EXD1: variants seen among roughly 807,000 people sequenced by gnomAD.
The protein encoded by EXD1 is exonuclease 3'-5' domain containing 1.
EXD1 carries 63 observed loss-of-function variants against 49.1 expected under a neutral mutation model. The observed-to-expected ratio is 1.28, with a 90% CI of 1.05 to 1.58. The LOEUF (loss-of-function observed/expected upper bound fraction) is 1.58, where lower values mean the gene tolerates loss of function less well. Ranked by LOEUF, EXD1 falls within the 40% of genes most tolerant of loss-of-function variation. EXD1 has a pLI of 0.00. For missense variants in EXD1, 748 were observed against 666.0 expected, an observed-to-expected ratio of 1.12 and a Z score of -1.36; for synonymous variants, 234 against 239.2, an observed-to-expected ratio of 0.98 and a Z score of 0.20.
At chr15:41,206,929 CTTTTTTTT>C (rs532980257) in intron 7 of EXD1, among the ~76,000 whole-genome samples, 6 of 54,368 alleles carry the variant, frequency 1.1e-4, no homozygotes, top group South Asian at 1.0e-3. Context: ...CTATTCAACT[CTTTTTTTT>C]TTTTTTTTTT....
Position 41,227,477 on chromosome 15 carries a change from C to T in EXD1, c.-53-849G>A, listed in dbSNP as rs755456530. ...CTGAGGTCGGGAGTTCCAGACCAGC[C>T]TGACCAACATGGAGAAACCCTGTCT... On this transcript the variant is annotated intron_variant, in intron 1 of 11. Transcript: ENST00000458580. Among the ~76,000 whole-genome samples the T allele has an allele frequency of 2.4e-4, 36 of 152,074 alleles. 1 individual carries two copies. The highest frequency in any genetic ancestry group is 4.9e-4 in the Non-Finnish European group (33 of 68,028).
chr15:41,187,566 ATGTAG>A (rs2046433334), intron 11 of EXD1, among the ~76,000 whole-genome samples: 1 of 152,188 alleles, frequency 6.6e-6, no homozygotes, highest in African/African-American at 2.4e-5. Context: ...CCAATAATGC[ATGTAG>A]AGTATTATAA....
intron 6 of EXD1, among the ~76,000 whole-genome samples, chr15:41,210,605 A>C (rs2140880828): frequency 6.6e-6 from 1 of 152,074 alleles, no homozygotes; most frequent in Non-Finnish European, 1.5e-5. Flanking sequence ...TGGGAGGATC[A>C]CTTGAGCCTG....
Position 41,209,551 on chromosome 15 carries a change from C to A in EXD1, c.484G>T (p.Ala162Ser). The change falls in exon 7 of 12, where the codon GCA becomes TCA. Residue 162 changes from alanine (A) to serine (S), a missense_variant. Ala to Ser is a moderately conservative substitution (Grantham distance 99, BLOSUM62 1). Coordinates refer to ENST00000458580, the MANE Select transcript of EXD1 (RefSeq NM_001286441.2). ...HIKKQNVLSV[A>S]AEGANVCRHG... ...CGACATACATTCGCTCCTTCTGCTG[C>A]CACACTCAGGACATTCTGCTTCTTG... is the stretch of plus-strand genomic sequence containing the variant. 3 of 1,614,154 alleles carry A rather than the reference C, an allele frequency of 1.9e-6. No individual in the cohort carries two copies. Among genetic ancestry groups the A allele is most frequent in the Non-Finnish European group, 2.5e-6 (3 of 1,180,034 alleles).
At chr15:41,203,957 T>C (rs1030390385) in intron 7 of EXD1, among the ~76,000 whole-genome samples, 2 of 100,758 alleles carry the variant, frequency 2.0e-5, no homozygotes, top group African/African-American at 9.3e-5. Context: ...CTAAAAATAT[T>C]ACTCTAGGCC....
chr15:41,209,725 C>T, intron 6 of EXD1, 138 bp from the exon 7 acceptor site: 1 of 701,176 alleles, frequency 1.4e-6, no homozygotes, highest in South Asian at 1.9e-5. Context: ...TTGATTAATC[C>T]AAAACAGTCT....
intron 1 of EXD1, 85 bp downstream of exon 1, chr15:41,230,394 T>C: frequency 1.4e-6 from 2 of 1,472,542 alleles, no homozygotes; most frequent in Non-Finnish European, 1.9e-6. Context: ...ACCTTTTTAA[T>C]CAAAACAAAC....
At chr15:41,210,069 C>T (rs2046897931) in intron 6 of EXD1, among the ~76,000 whole-genome samples, 1 of 152,140 alleles carries the variant, frequency 6.6e-6, no homozygotes, top group Non-Finnish European at 1.5e-5. Flanking sequence ...GCATGCACCA[C>T]CACGCCCAGC....
chr15:41,209,651 G>GCCA, intron 6 of EXD1, 64 bp from the exon 7 acceptor site: 1 of 1,371,126 alleles, frequency 7.3e-7, no homozygotes, highest in Non-Finnish European at 1.0e-6. Context: ...ATAACATCAT[G>GCCA]ATTGGCACAA....
At chr15:41,229,567 G>A (rs1020482989) in intron 1 of EXD1, among the ~76,000 whole-genome samples, 1 of 152,062 alleles carries the variant, frequency 6.6e-6, no homozygotes, top group African/African-American at 2.4e-5. Context: ...TACGGAGTTC[G>A]AGACCAGCCT....
intron 9 of EXD1, among the ~76,000 whole-genome samples, chr15:41,192,452 A>G (rs1214624258): frequency 6.6e-6 from 1 of 151,820 alleles, no homozygotes; most frequent in African/African-American, 2.4e-5. Context: ...GTGTGCCACC[A>G]TGCCTGGCTA....
Position 41,226,251 on chromosome 15 carries a change from C to CA in EXD1, c.133+191dup, listed in dbSNP as rs199854298. Among the ~76,000 whole-genome samples, 615 of 142,050 alleles carry CA rather than the reference C, an allele frequency of 4.3e-3. 2 individuals are homozygous for CA. The highest frequency in any genetic ancestry group is 0.011 in the Middle Eastern group (3 of 278). The allele number at this position is 142,050 out of a possible 152,430, so 93.2% of individuals were successfully genotyped here. On this transcript the variant is annotated intron_variant, in intron 2 of 11. Coordinates refer to ENST00000458580, the MANE Select transcript of EXD1 (RefSeq NM_001286441.2). Reference sequence around the variant, plus strand: ...TGGGCAACAGAGCGAGACTCCATCTCAAAAAAAAAAAGTAGGGACAAACCA... The same window carrying CA: ...TGGGCAACAGAGCGAGACTCCATCTCAAAAAAAAAAAAGTAGGGACAAACCA...
intron 7 of EXD1, among the ~76,000 whole-genome samples, chr15:41,202,263 C>T (rs1057081261): frequency 4.6e-5 from 7 of 151,934 alleles, no homozygotes; most frequent in Admixed American, 3.3e-4. Flanking sequence ...CAGCCTCTGC[C>T]TCCCGGGTTC....
At chr15:41,219,283 AT>A (rs1163419216) in intron 3 of EXD1, among the ~76,000 whole-genome samples, 1 of 152,074 alleles carries the variant, frequency 6.6e-6, no homozygotes, top group East Asian at 1.9e-4. Context: ...GAAAACCAAA[AT>A]TTTGTTGTAA....
chr15:41,212,333 T>C (rs979740590), intron 6 of EXD1, among the ~76,000 whole-genome samples: 2 of 150,718 alleles, frequency 1.3e-5, no homozygotes, highest in Admixed American at 6.6e-5. Context: ...CGGGCACCTG[T>C]AGTCCCAGCT....
intron 6 of EXD1, among the ~76,000 whole-genome samples, chr15:41,210,966 A>G (rs1020560752): frequency 3.9e-5 from 6 of 152,138 alleles, no homozygotes; most frequent in African/African-American, 1.4e-4. Context: ...TTCATTCCCA[A>G]TCAGATGGCT....
Position 41,192,592 on chromosome 15 carries a change from GCATTTTTTT to G in EXD1, c.721-1016_721-1008del, listed in dbSNP as rs2046539500. ...TTACAGGCGTGAACCACTGCGCCAGGCATTTTTTTTTTTTTTTTTTTTTTTTTTTTTTTT... is the reference window on the plus strand; with the variant it reads ...TTACAGGCGTGAACCACTGCGCCAGGTTTTTTTTTTTTTTTTTTTTTTTTT... On this transcript the variant is annotated intron_variant, in intron 9 of 11. Transcript: ENST00000458580. Among the ~76,000 whole-genome samples, 7 of 86,148 alleles carry G rather than the reference GCATTTTTTT, an allele frequency of 8.1e-5. 2 individuals are homozygous for G. Among genetic ancestry groups the G allele is most frequent in the Non-Finnish European group, 1.7e-4 (7 of 41,906 alleles). The allele number at this position is 86,148 out of a possible 152,430, so 56.5% of individuals were successfully genotyped here. A position where few individuals can be genotyped will look rare whatever the true frequency, so the allele number is the denominator to read the frequency against.
chr15:41,222,879 T>C (rs1362303913), intron 2 of EXD1, among the ~76,000 whole-genome samples: 1 of 140,570 alleles, frequency 7.1e-6, no homozygotes, highest in Non-Finnish European at 1.5e-5. Context: ...GAGGTTCCAG[T>C]GAATCAAGAT....
chr15:41,230,319 G>C (rs1245040888), intron 1 of EXD1, among the ~76,000 whole-genome samples, 160 bp downstream of exon 1: 2 of 152,040 alleles, frequency 1.3e-5, no homozygotes, highest in African/African-American at 2.4e-5. Flanking sequence ...ACGACCTCAG[G>C]TGTTCTGCCC....
Sources: allele counts gnomAD v4.1 joint callset (sites outside exome capture counted in the v4.1 genomes callset), GRCh38; gene constraint gnomAD v4.1.1; transcripts MANE v1.5; gene names NCBI Gene and HGNC (gene_info 2026-07-23, HGNC 2026-07-21).